The following SCML4 variants were observed in gnomAD, a reference collection of about 807,000 sequenced individuals.
SCML4 encodes Scm polycomb group protein like 4.
Under a neutral mutation model 41.1 loss-of-function variants are expected in SCML4, and 34 were observed. That is an observed-to-expected ratio of 0.83 (90% CI 0.63 to 1.10). SCML4 has a LOEUF of 1.10. Among genes scored for constraint, SCML4 ranks in the 50% least tolerant of loss-of-function variants. The pLI is 0.00. For synonymous variants in SCML4, 214 were observed against 220.9 expected (o/e 0.97, Z 0.28); for missense variants, 522 against 534.1 (o/e 0.98, Z 0.22).
intron 1 of SCML4, among the ~76,000 whole-genome samples, chr6:107,800,765 G>A (rs1783058083): frequency 6.6e-6 from 1 of 152,140 alleles, no homozygotes; most frequent in Admixed American, 6.5e-5. Context: ...TGTCAATAGA[G>A]GGCATTGGAG....
intron 5 of SCML4, chr6:107,740,260 G>A (rs1226246868): frequency 4.7e-6 from 2 of 426,952 alleles, no homozygotes; most frequent in Non-Finnish European, 9.6e-6. Flanking sequence ...CACCATGCGG[G>A]TCTTGTAAAA....
chr6:107,704,593 T>A lies in SCML4; in HGVS notation c.*607A>T, dbSNP rs1445574015. The A allele has an allele frequency of 6.4e-6, 1 of 156,498 alleles. No individual in the cohort carries two copies. The highest frequency in any genetic ancestry group is 1.4e-5 in the Non-Finnish European group (1 of 71,572). 9.7% of individuals were successfully genotyped at this position (156,498 alleles called of 1,614,324 possible). A position where few individuals can be genotyped will look rare whatever the true frequency, so the allele number is the denominator to read the frequency against. On this transcript the variant is annotated 3_prime_UTR_variant, in exon 8 of 8. Transcript: ENST00000369020. Reference sequence around the variant, plus strand: ...GAGGGTCCTGAAATTTCATTAGCAGTCTGCCCTCTAGCGGAGAAACACAGT... The same window carrying A: ...GAGGGTCCTGAAATTTCATTAGCAGACTGCCCTCTAGCGGAGAAACACAGT...
At chr6:107,839,405 G>C in the SCML4 span, among the ~76,000 whole-genome samples, 1 of 141,854 alleles carries the variant, frequency 7.0e-6, no homozygotes, top group African/African-American at 2.8e-5. Flanking sequence ...AAGAAAGAAA[G>C]AAAGAGGAAG....
intron 1 of SCML4, among the ~76,000 whole-genome samples, chr6:107,775,418 A>T (rs1780860098): frequency 6.6e-6 from 1 of 152,332 alleles, no homozygotes; most frequent in Non-Finnish European, 1.5e-5. Context: ...TGAGAACATG[A>T]AGTTGTGTGA....
At chr6:107,740,904 C>T (rs570806763) in intron 5 of SCML4, among the ~76,000 whole-genome samples, 5 of 152,306 alleles carry the variant, frequency 3.3e-5, no homozygotes, top group Admixed American at 2.6e-4. Flanking sequence ...TGCGTCTCCT[C>T]CTTCCCCCAT....
At chr6:107,813,459 T>C (rs926215699) in intron 1 of SCML4, among the ~76,000 whole-genome samples, 13 of 141,386 alleles carry the variant, frequency 9.2e-5, no homozygotes, top group Non-Finnish European at 1.5e-4. Flanking sequence ...AAAATAACAG[T>C]GTCCGCTGAA....
At chr6:107,840,798 C>G in the SCML4 span, among the ~76,000 whole-genome samples, 1 of 152,082 alleles carries the variant, frequency 6.6e-6, no homozygotes, top group African/African-American at 2.4e-5. Context: ...GAGGAGCCAT[C>G]TGAACCCATG....
intron 5 of SCML4, chr6:107,744,204 A>G (rs1323449924): frequency 1.3e-5 from 2 of 152,238 alleles, no homozygotes; most frequent in South Asian, 2.1e-4. Flanking sequence ...TTGCAGATCT[A>G]TAACTCAGGG....
intron 5 of SCML4, among the ~76,000 whole-genome samples, chr6:107,727,875 C>T (rs74387779): frequency 1.3e-5 from 2 of 152,332 alleles, no homozygotes; most frequent in East Asian, 3.9e-4. Flanking sequence ...GTCTGGGATA[C>T]CAATCCTTTT....
intron 4 of SCML4, chr6:107,746,319 C>T (rs1202189638): frequency 5.0e-6 from 1 of 199,184 alleles, no homozygotes; most frequent in Non-Finnish European, 1.0e-5. Context: ...TTTTAAAGAA[C>T]CAGGGAGGTT....
At chr6:107,809,969 C>G (rs1244149500) in intron 1 of SCML4, among the ~76,000 whole-genome samples, 1 of 152,144 alleles carries the variant, frequency 6.6e-6, no homozygotes. Context: ...TCATCGATCC[C>G]TCTGAAAAAC....
At chr6:107,791,485 T>C (rs1782325241) in intron 1 of SCML4, among the ~76,000 whole-genome samples, 1 of 151,480 alleles carries the variant, frequency 6.6e-6, no homozygotes, top group East Asian at 1.9e-4. Context: ...AGAAGGGAAG[T>C]ACTGGAAGAG....
chr6:107,784,400 A>G (rs1265691363), intron 1 of SCML4, among the ~76,000 whole-genome samples: 3 of 152,196 alleles, frequency 2.0e-5, no homozygotes, highest in Non-Finnish European at 2.9e-5. Flanking sequence ...TTTAAGATAA[A>G]TGTGGAAATT....
intron 2 of SCML4, among the ~76,000 whole-genome samples, chr6:107,763,545 C>T (rs1779786913): frequency 6.6e-6 from 1 of 152,112 alleles, no homozygotes; most frequent in African/African-American, 2.4e-5. Context: ...CGCCACCACA[C>T]CCAGCTAATT....
intron 5 of SCML4, among the ~76,000 whole-genome samples, chr6:107,738,565 G>A (rs951046490): frequency 2.0e-5 from 3 of 151,940 alleles, no homozygotes; most frequent in African/African-American, 7.3e-5. Context: ...AGGTCGCAGT[G>A]AGCCGAGTTC....
intron 2 of SCML4, among the ~76,000 whole-genome samples, chr6:107,765,862 T>A (rs180705072): frequency 7.2e-5 from 11 of 152,392 alleles, no homozygotes; most frequent in African/African-American, 2.6e-4. Flanking sequence ...TAGAGCTGTG[T>A]TGATTTATAG....
chr6:107,770,759 A>T (rs1235283768), intron 2 of SCML4, among the ~76,000 whole-genome samples: 1 of 152,200 alleles, frequency 6.6e-6, no homozygotes, highest in Non-Finnish European at 1.5e-5. Context: ...GGCCCCAGGA[A>T]TGCTGAGTCT....
chr6:107,784,499 T>C (rs1781733256), intron 1 of SCML4, among the ~76,000 whole-genome samples: 1 of 152,202 alleles, frequency 6.6e-6, no homozygotes, highest in Non-Finnish European at 1.5e-5. Context: ...TGTATGCTTA[T>C]GGATGCATAA....
intron 5 of SCML4, among the ~76,000 whole-genome samples, chr6:107,734,480 A>T (rs915428684): frequency 4.6e-5 from 7 of 152,216 alleles, no homozygotes; most frequent in Admixed American, 4.6e-4. Flanking sequence ...CATGAGAGAG[A>T]ACCTGAGCCT....
Sources: gnomAD v4.1 joint callset for allele counts (sites outside exome capture counted in the v4.1 genomes callset) on GRCh38, gnomAD v4.1.1 for gene constraint, MANE v1.5 for transcripts, NCBI Gene and HGNC (gene_info 2026-07-23, HGNC 2026-07-21) for gene names.